The following RNF169 variants were observed in gnomAD, a reference collection of about 807,000 sequenced individuals.
The protein encoded by RNF169 is ring finger protein 169, also known as E3 ubiquitin-protein ligase RNF169.
A neutral mutation model predicts 53.9 loss-of-function variants in RNF169; 24 were observed. The observed-to-expected ratio is 0.45, with a 90% CI of 0.32 to 0.63. RNF169 has a LOEUF of 0.63. Among genes scored for constraint, RNF169 ranks in the 20% least tolerant of loss-of-function variants. The probability of loss-of-function intolerance (pLI) is 0.04; values close to 1 mark genes in which losing one functional copy is unlikely to be tolerated. For missense variants in RNF169, 883 were observed against 906.2 expected, an observed-to-expected ratio of 0.97 and a Z score of 0.33; for synonymous variants, 396 against 363.5, an observed-to-expected ratio of 1.09 and a Z score of -1.02.
chr11:74,797,957 T>C (rs2035673038), intron 2 of RNF169, among the ~76,000 whole-genome samples: 1 of 152,220 alleles, frequency 6.6e-6, no homozygotes, highest in Non-Finnish European at 1.5e-5. Flanking sequence ...TAAACATAAG[T>C]TTCGAAGATT....
At chr11:74,765,439 A>G (rs1391256190) in intron 1 of RNF169, among the ~76,000 whole-genome samples, 1 of 152,238 alleles carries the variant, frequency 6.6e-6, no homozygotes, top group Non-Finnish European at 1.5e-5. Context: ...AATAGTGAAA[A>G]TATAACCAAT....
chr11:74,760,535 A>T (rs1319609275), intron 1 of RNF169, among the ~76,000 whole-genome samples: 4 of 152,058 alleles, frequency 2.6e-5, no homozygotes, highest in African/African-American at 9.7e-5. Context: ...GGTTTCAAAG[A>T]ACATCTTTAT....
chr11:74,802,605 T>C (rs759771889), intron 2 of RNF169, among the ~76,000 whole-genome samples: 7 of 152,174 alleles, frequency 4.6e-5, no homozygotes, highest in Non-Finnish European at 1.0e-4. Context: ...ATCATGCCAT[T>C]GTGCTCCAGC....
chr11:74,836,753 T>G lies in RNF169; in HGVS notation c.*23T>G. 6.4e-7 allele frequency: 1 copy of G among 1,552,446 alleles called. No homozygotes were observed. Among genetic ancestry groups the G allele is most frequent in the Non-Finnish European group, 8.7e-7 (1 of 1,143,090 alleles). ...TAGCACCTAATGAAGTGTTACCTAT[T>G]TTTAAAAGGTCTTAGGCCTTGATCA... On this transcript the variant is annotated 3_prime_UTR_variant, in exon 6 of 6. Coordinates refer to ENST00000299563, the MANE Select transcript of RNF169 (RefSeq NM_001098638.2).
chr11:74,765,141 C>G (rs1266204218), intron 1 of RNF169, among the ~76,000 whole-genome samples: 1 of 151,828 alleles, frequency 6.6e-6, no homozygotes, highest in Non-Finnish European at 1.5e-5. Flanking sequence ...CCCAGGAGGT[C>G]AAGACTGCAG....
chr11:74,806,581 G>A (rs2035808291), intron 2 of RNF169, among the ~76,000 whole-genome samples: 1 of 152,120 alleles, frequency 6.6e-6, no homozygotes, highest in Non-Finnish European at 1.5e-5. Context: ...TGGTTAAATT[G>A]TTTTATTGTC....
intron 2 of RNF169, among the ~76,000 whole-genome samples, chr11:74,796,859 T>C (rs2035656344): frequency 6.6e-6 from 1 of 152,222 alleles, no homozygotes; most frequent in Non-Finnish European, 1.5e-5. Flanking sequence ...TGGTTCTCTT[T>C]TTAAAAAAGT....
intron 1 of RNF169, among the ~76,000 whole-genome samples, chr11:74,774,383 A>C (rs2035302518): frequency 6.6e-6 from 1 of 151,970 alleles, no homozygotes; most frequent in African/African-American, 2.4e-5. Context: ...AACAAACAAA[A>C]AAAAACCTGA....
At chr11:74,809,117 T>C (rs1371167106) in intron 2 of RNF169, among the ~76,000 whole-genome samples, 1 of 151,564 alleles carries the variant, frequency 6.6e-6, no homozygotes, top group East Asian at 1.9e-4. Flanking sequence ...TGTTTTTGTG[T>C]GTTTGTTTTG....
chr11:74,760,454 A>C (rs1470066099), intron 1 of RNF169, among the ~76,000 whole-genome samples: 6 of 152,094 alleles, frequency 3.9e-5, no homozygotes, highest in Admixed American at 2.0e-4. Flanking sequence ...ATTCAGTGCT[A>C]TAAATTTCCC....
At chr11:74,774,841 C>T (rs559802742) in intron 1 of RNF169, among the ~76,000 whole-genome samples, 3 of 152,196 alleles carry the variant, frequency 2.0e-5, no homozygotes, top group African/African-American at 7.2e-5. Flanking sequence ...TGCCTGTAAT[C>T]GTAGCTACTT....
intron 2 of RNF169, among the ~76,000 whole-genome samples, chr11:74,804,805 A>G (rs2035782220): frequency 6.6e-6 from 1 of 152,196 alleles, no homozygotes; most frequent in Admixed American, 6.5e-5. Flanking sequence ...ACGTTAAGAA[A>G]TGTGTATCTA....
At chr11:74,806,982 C>T (rs1243276424) in intron 2 of RNF169, among the ~76,000 whole-genome samples, 1 of 151,564 alleles carries the variant, frequency 6.6e-6, no homozygotes, top group East Asian at 1.9e-4. Context: ...AGATTCTTTT[C>T]GGGAAATAAA....
intron 2 of RNF169, among the ~76,000 whole-genome samples, chr11:74,792,151 G>A (rs2035588627): frequency 1.3e-5 from 2 of 152,086 alleles, no homozygotes; most frequent in Non-Finnish European, 1.5e-5. Context: ...GCATTGTGAG[G>A]TTTTTGTCTC....
intron 4 of RNF169, among the ~76,000 whole-genome samples, chr11:74,824,389 G>A (rs1407660299): frequency 6.6e-6 from 1 of 152,124 alleles, no homozygotes; most frequent in East Asian, 1.9e-4. Flanking sequence ...ACCATTAAGT[G>A]TACCAATATA....
chr11:74,832,825 C>G (rs567549815), intron 4 of RNF169, among the ~76,000 whole-genome samples: 1 of 152,264 alleles, frequency 6.6e-6, no homozygotes, highest in South Asian at 2.1e-4. Context: ...TTTAATCTGC[C>G]ATACAGTATA....
intron 1 of RNF169, among the ~76,000 whole-genome samples, chr11:74,750,555 C>G (rs1377758691): frequency 1.8e-5 from 2 of 113,754 alleles, no homozygotes; most frequent in Non-Finnish European, 3.8e-5. Context: ...GGACCTGCAT[C>G]TTACTTTCTA....
chr11:74,748,858 T>C lies in RNF169; in HGVS notation c.-23T>C, dbSNP rs2034833227. On this transcript the variant is annotated 5_prime_UTR_variant, in exon 1 of 6. Coordinates refer to ENST00000299563, the MANE Select transcript of RNF169 (RefSeq NM_001098638.2). Reference sequence around the variant, plus strand: ...TCCACTCTTCTCCCTCGCAACCGACTCTCCCTTCAAACGGGAAACAAGATG... The same window carrying C: ...TCCACTCTTCTCCCTCGCAACCGACCCTCCCTTCAAACGGGAAACAAGATG... The C allele has an allele frequency of 7.2e-7, 1 of 1,382,810 alleles. No individual in the cohort carries two copies. Among genetic ancestry groups the C allele is most frequent in the Non-Finnish European group, 9.5e-7 (1 of 1,056,536 alleles). 85.7% of individuals were successfully genotyped at this position (1,382,810 alleles called of 1,614,324 possible).
At chr11:74,821,024 TCTCAA>T (rs1266550495) in intron 4 of RNF169, among the ~76,000 whole-genome samples, 2 of 152,208 alleles carry the variant, frequency 1.3e-5, no homozygotes, top group East Asian at 1.9e-4. Flanking sequence ...CCCAAGAACC[TCTCAA>T]CTCATTAGAG....
Sources: allele counts gnomAD v4.1 joint callset (sites outside exome capture counted in the v4.1 genomes callset), GRCh38; gene constraint gnomAD v4.1.1; transcripts MANE v1.5; gene names NCBI Gene and HGNC (gene_info 2026-07-23, HGNC 2026-07-21).